CACNA1B: variants seen among roughly 807,000 people sequenced by gnomAD.
The protein encoded by CACNA1B is voltage-dependent N-type calcium channel subunit alpha-1B.
In CACNA1B, 70 loss-of-function variants were observed where a neutral mutation model predicts 247.2. The ratio of observed to expected loss-of-function variants is 0.28; its 90% CI spans 0.23 to 0.35. The LOEUF is 0.35. Ranked by LOEUF, CACNA1B falls within the 10% of genes least tolerant of loss-of-function variation. The pLI is 1.00. For missense variants in CACNA1B, 2,367 were observed against 3,197.4 expected, an observed-to-expected ratio of 0.74 and a Z score of 6.26; for synonymous variants, 1,231 against 1,294.4, an observed-to-expected ratio of 0.95 and a Z score of 1.05.
chr9:137,933,646 C>T (rs1663388295), intron 6 of CACNA1B, among the ~76,000 whole-genome samples: 5 of 152,124 alleles, frequency 3.3e-5, no homozygotes, highest in South Asian at 2.1e-4. Context: ...TCCTTAAGGG[C>T]CCAAGATTGG....
In CACNA1B at chr9:137,952,505, TGTTCTGG is replaced by T. The variant is rs1385110474; in HGVS notation, c.1070+136_1070+142del. Reference sequence around the variant, plus strand: ...TGCCCTCTGTGGTGGTTGCCCCTGGTGTTCTGGGTTCTGGTAGCCCTTCCTTTGTGCC... The same window carrying T: ...TGCCCTCTGTGGTGGTTGCCCCTGGTGTTCTGGTAGCCCTTCCTTTGTGCC... On this transcript the variant is annotated intron_variant, in intron 7 of 46. Transcript: ENST00000371372. This position sits in a 1 kb window ranked among gnomAD's most constrained non-coding sequence, Gnocchi z 4.8. 2.8e-6 allele frequency: 2 copies of T among 726,322 alleles called. No homozygotes were observed. Among genetic ancestry groups the T allele is most frequent in the South Asian group, 3.2e-5 (2 of 62,602 alleles). 45.0% of individuals were successfully genotyped at this position (726,322 alleles called of 1,614,324 possible).
intron 34 of CACNA1B, 91 bp downstream of exon 34, chr9:138,074,157 T>C: frequency 1.1e-6 from 1 of 920,086 alleles, no homozygotes; most frequent in South Asian, 1.3e-5. Flanking sequence ...ATCATCGTCA[T>C]AATCAGTTGA....
intron 3 of CACNA1B, among the ~76,000 whole-genome samples, chr9:137,909,533 G>A (rs1228789224): frequency 6.6e-6 from 1 of 152,184 alleles, no homozygotes; most frequent in Admixed American, 6.5e-5. Flanking sequence ...CAGCATTAGA[G>A]CGTCGTTCCT....
At chr9:138,031,875 T>G (rs1958991745) in intron 20 of CACNA1B, among the ~76,000 whole-genome samples, 1 of 152,180 alleles carries the variant, frequency 6.6e-6, no homozygotes, top group African/African-American at 2.4e-5. Flanking sequence ...ACCTTTTGCT[T>G]TCAACCTAAC....
At chr9:137,925,207 G>A (rs7022152) in intron 6 of CACNA1B, among the ~76,000 whole-genome samples, 44,998 of 152,128 alleles carry the variant, frequency 0.3, 8,442 homozygotes, top group East Asian at 0.65. Flanking sequence ...GGAGGGCACC[G>A]TGAGTGGGGA....
chr9:137,951,473 G>A (rs1243313058), intron 6 of CACNA1B, among the ~76,000 whole-genome samples: 2 of 152,220 alleles, frequency 1.3e-5, no homozygotes, highest in African/African-American at 4.8e-5. Context: ...TGCCTCTGAA[G>A]AGAGGCGTCC....
At chr9:137,991,643 C>G (rs1313796769) in intron 15 of CACNA1B, among the ~76,000 whole-genome samples, 1 of 152,172 alleles carries the variant, frequency 6.6e-6, no homozygotes, top group African/African-American at 2.4e-5. Context: ...ATCAGATTAT[C>G]TGAAGTCAAG....
intron 12 of CACNA1B, among the ~76,000 whole-genome samples, chr9:137,981,097 C>G (rs910614590): frequency 6.6e-6 from 1 of 152,194 alleles, no homozygotes; most frequent in Non-Finnish European, 1.5e-5. Flanking sequence ...AGTGACTGGA[C>G]TAATTTACAT....
intron 15 of CACNA1B, among the ~76,000 whole-genome samples, chr9:138,003,170 A>G (rs909419851): frequency 1.9e-4 from 25 of 129,724 alleles, no homozygotes; most frequent in African/African-American, 7.0e-4. Flanking sequence ...ATAGAGCAAG[A>G]CCCCATCTCC....
At chr9:138,037,247 C>T (rs966374581) in intron 20 of CACNA1B, among the ~76,000 whole-genome samples, 9 of 152,194 alleles carry the variant, frequency 5.9e-5, no homozygotes, top group African/African-American at 1.9e-4. Context: ...TGTTGAAGCT[C>T]TATTGTGGAC....
At position 138,100,306 on chromosome 9, in the gene CACNA1B, C is replaced by G. The variant is rs749739641; in HGVS notation, c.5223-2405C>G. Among the ~76,000 whole-genome samples the G allele has an allele frequency of 6.6e-6, 1 of 152,126 alleles. No homozygotes were observed. The highest frequency in any genetic ancestry group is 2.4e-5 in the African/African-American group (1 of 41,402). On this transcript the variant is annotated intron_variant, in intron 37 of 46. Transcript: ENST00000371372. This position sits in a 1 kb window ranked among gnomAD's most constrained non-coding sequence, Gnocchi z 4.6. ...GCATTGAAATTGGTTGAACAAGTCGCTTTGATTTTGCGTTGTAGACAGTGG... is the reference window on the plus strand; with the variant it reads ...GCATTGAAATTGGTTGAACAAGTCGGTTTGATTTTGCGTTGTAGACAGTGG...
rs1172503294 is a variant in CACNA1B at position 138,011,984 on chromosome 9, G to A, written c.2161-1145G>A. On this transcript the variant is annotated intron_variant, in intron 17 of 46. Transcript: ENST00000371372. The surrounding 1 kb of genome is among the most constrained non-coding windows in gnomAD (Gnocchi z 4.2). ...CATTCTGAGGCCTGTGGTCTCAGCC[G>A]AGAACTATTGATCCGGAACCCAGGT... is the stretch of plus-strand genomic sequence containing the variant. Among the ~76,000 whole-genome samples, 12 of 152,144 alleles carry A rather than the reference G, an allele frequency of 7.9e-5. No individual in the cohort carries two copies. The highest frequency in any genetic ancestry group is 2.9e-4 in the African/African-American group (12 of 41,440).
chr9:137,952,361 C>T lies in CACNA1B; in HGVS notation c.1054C>T (p.Leu352=), dbSNP rs35164254. The change falls in exon 7 of 47, where the codon CTG becomes TTG. Residue 352 remains leucine (L), a synonymous_variant. Transcript: ENST00000371372. The surrounding 1 kb of genome is among the most constrained non-coding windows in gnomAD (Gnocchi z 4.8). ...IGSFFMLNLV[L]GVLSGEFAKE... ...CTCCTTCTTCATGCTCAACCTGGTG[C>T]TGGGCGTGCTCTCGGGGTGAGAGAC... is the stretch of plus-strand genomic sequence containing the variant. 8.4e-4 allele frequency: 1,354 copies of T among 1,613,656 alleles called. 10 individuals are homozygous for T. In the African/African-American group the frequency reaches 0.015, roughly 18 times the overall value.
At chr9:138,101,811 C>T (rs918713532) in intron 37 of CACNA1B, among the ~76,000 whole-genome samples, 3 of 152,254 alleles carry the variant, frequency 2.0e-5, no homozygotes, top group Admixed American at 1.3e-4. Flanking sequence ...CCCTTTCTCT[C>T]CTGGGCCACC....
intron 12 of CACNA1B, among the ~76,000 whole-genome samples, chr9:137,979,247 G>A (rs1958265276): frequency 1.3e-5 from 2 of 152,214 alleles, no homozygotes; most frequent in African/African-American, 2.4e-5. Flanking sequence ...TGAGGCTTCA[G>A]CCCAGTTGAA....
At position 138,102,761 on chromosome 9, in the gene CACNA1B, C is replaced by T; in HGVS notation, c.5273C>T (p.Pro1758Leu). The T allele has an allele frequency of 1.9e-6, 3 of 1,613,174 alleles. No individual in the cohort carries two copies. The highest frequency in any genetic ancestry group is 1.3e-5 in the African/African-American group (1 of 74,990). ...TTTGAGATGCTGAAACACATGTCCC[C>T]GCCTCTGGGGCTGGGGAAGAAATGC... ...DMFEMLKHMS[P>L]PLGLGKKCPA... Residue 1758 changes from proline to leucine, a missense_variant, in exon 38 of 47, where the codon CCG (proline) becomes CTG (leucine). Around this residue, in one of 12 missense-constraint regions of CACNA1B, gnomAD observed 55 missense variants for 107.8 expected, o/e 0.51. Coordinates refer to ENST00000371372, the MANE Select transcript of CACNA1B (RefSeq NM_000718.4). This position sits in a 1 kb window ranked among gnomAD's most constrained non-coding sequence, Gnocchi z 5.4.
intron 6 of CACNA1B, among the ~76,000 whole-genome samples, chr9:137,937,775 G>T (rs1041762054): frequency 5.3e-5 from 8 of 151,618 alleles, no homozygotes; most frequent in Non-Finnish European, 1.0e-4. Flanking sequence ...GAGAAACCCC[G>T]TGTCTACTAA....
At chr9:137,909,316 C>T (rs916468347) in intron 3 of CACNA1B, among the ~76,000 whole-genome samples, 1 of 152,038 alleles carries the variant, frequency 6.6e-6, no homozygotes, top group African/African-American at 2.4e-5. Flanking sequence ...TTTTATTGCC[C>T]CAAACAGAAA....
At chr9:138,044,755 G>A (rs543688439) in intron 21 of CACNA1B, among the ~76,000 whole-genome samples, 1 of 152,314 alleles carries the variant, frequency 6.6e-6, no homozygotes, top group South Asian at 2.1e-4. Flanking sequence ...GTTCGTTACC[G>A]ATCTGCCCAT....
Sources: allele counts gnomAD v4.1 joint callset (sites outside exome capture counted in the v4.1 genomes callset), GRCh38; gene constraint gnomAD v4.1.1; regional missense constraint gnomAD v4.1.1; non-coding constraint Gnocchi (gnomAD v3.1); transcripts MANE v1.5; gene names NCBI Gene and HGNC (gene_info 2026-07-23, HGNC 2026-07-21).